Variants in PTPN11 observed in about 807,000 individuals in gnomAD.
PTPN11 encodes the protein protein tyrosine phosphatase non-receptor type 11.
PTPN11 carries 6 observed loss-of-function variants against 78.8 expected under a neutral mutation model. The ratio of observed to expected loss-of-function variants is 0.08; its 90% CI spans 0.04 to 0.15. The LOEUF is 0.15. Ranked by LOEUF, PTPN11 falls within the 10% of genes least tolerant of loss-of-function variation. The probability of loss-of-function intolerance (pLI) is 1.00; values close to 1 mark genes in which losing one functional copy is unlikely to be tolerated. For synonymous variants in PTPN11, 221 were observed against 263.5 expected (o/e 0.84, Z 1.56); for missense variants, 386 against 744.8 (o/e 0.52, Z 5.61).
intron 1 of PTPN11, among the ~76,000 whole-genome samples, chr12:112,432,104 A>G (rs1296652709): frequency 6.6e-6 from 1 of 152,210 alleles, no homozygotes; most frequent in Non-Finnish European, 1.5e-5. Flanking sequence ...AACATGAAAA[A>G]GTGCTCAGTC....
intron 14 of PTPN11, among the ~76,000 whole-genome samples, chr12:112,502,807 T>A (rs2038891751): frequency 6.6e-6 from 1 of 152,092 alleles, no homozygotes; most frequent in Non-Finnish European, 1.5e-5. Context: ...CTAGCTAGGA[T>A]TATATGGGAT....
rs779405724 is a variant in PTPN11, at chr12:112,477,847, A to G, written c.934-10A>G. On this transcript the variant is annotated splice_polypyrimidine_tract_variant and intron_variant, in intron 8 of 15. Transcript: ENST00000351677. ...AAGGTGTTTGAAGGATTTTCTTCCTAAATTTCTAGCCTGAATTTGAAACCA... is the reference window on the plus strand; with the variant it reads ...AAGGTGTTTGAAGGATTTTCTTCCTGAATTTCTAGCCTGAATTTGAAACCA... The G allele has an allele frequency of 6.2e-7, 1 of 1,613,946 alleles. No individual in the cohort carries two copies. The highest frequency in any genetic ancestry group is 1.3e-5 in the African/African-American group (1 of 74,926).
chr12:112,496,196 G>A (rs1017311727), intron 13 of PTPN11, among the ~76,000 whole-genome samples: 3 of 152,088 alleles, frequency 2.0e-5, no homozygotes, highest in African/African-American at 7.2e-5. Flanking sequence ...TGCTCAAATT[G>A]TTACAGCTTT....
rs2135862198 is a variant in PTPN11, at chr12:112,450,375, G to C, written c.195G>C (p.Leu65=). The C allele has an allele frequency of 6.2e-7, 1 of 1,613,288 alleles. No individual in the cohort carries two copies. The highest frequency in any genetic ancestry group is 2.2e-5 in the East Asian group (1 of 44,878). ...KIQNTGDYYD[L]YGGEKFATLA... ...AGAACACTGGTGATTACTATGACCT[G>C]TATGGAGGGGAGAAATTTGCCACTT... is the stretch of plus-strand genomic sequence containing the variant. Residue 65 remains leucine (L), a synonymous_variant, in exon 3 of 16, where the codon CTG becomes CTC. Coordinates refer to ENST00000351677, the MANE Select transcript of PTPN11 (RefSeq NM_002834.5).
intron 13 of PTPN11, among the ~76,000 whole-genome samples, chr12:112,494,185 C>A (rs994920694): frequency 6.6e-6 from 1 of 152,100 alleles, no homozygotes; most frequent in Non-Finnish European, 1.5e-5. Context: ...ACCCGGGAGG[C>A]GGAGGTTGCA....
chr12:112,474,925 C>T (rs952459191), intron 7 of PTPN11, among the ~76,000 whole-genome samples: 1 of 151,996 alleles, frequency 6.6e-6, no homozygotes, highest in Non-Finnish European at 1.5e-5. Flanking sequence ...ACCACTGTGT[C>T]TGGCTATATC....
intron 1 of PTPN11, among the ~76,000 whole-genome samples, chr12:112,443,196 A>G (rs1290727058): frequency 6.6e-6 from 1 of 152,018 alleles, no homozygotes; most frequent in Non-Finnish European, 1.5e-5. Flanking sequence ...TTATAGCAAA[A>G]GACAAAACAA....
chr12:112,473,805 A>G (rs971621164), intron 7 of PTPN11, among the ~76,000 whole-genome samples: 6 of 151,530 alleles, frequency 4.0e-5, no homozygotes. Context: ...GAGATGTGCC[A>G]TTGCACTCCA....
intron 13 of PTPN11, among the ~76,000 whole-genome samples, chr12:112,493,353 C>G (rs529794063): frequency 2.3e-4 from 35 of 151,766 alleles, no homozygotes; most frequent in Non-Finnish European, 4.4e-5. Flanking sequence ...GCCACTGTGC[C>G]CGGCCACTCT....
At chr12:112,486,846 T>G (rs2038685817) in intron 11 of PTPN11, 1 of 1,435,402 alleles carries the variant, frequency 7.0e-7, no homozygotes, top group Admixed American at 2.7e-5. Flanking sequence ...GGCAACATGC[T>G]CAGTTAAAAC....
chr12:112,489,752 CT>C (rs1566187237), intron 13 of PTPN11, among the ~76,000 whole-genome samples: 1 of 152,142 alleles, frequency 6.6e-6, no homozygotes, highest in Non-Finnish European at 1.5e-5. Context: ...GAGAGCTGCT[CT>C]TTTGGGGGCT....
chr12:112,467,842 A>G (rs2038354663), intron 6 of PTPN11, among the ~76,000 whole-genome samples: 1 of 152,056 alleles, frequency 6.6e-6, no homozygotes. Flanking sequence ...TAGAGTGAGA[A>G]CTCACTGTGA....
In PTPN11 at chr12:112,446,411, G is replaced by A. The variant is rs780811696; in HGVS notation, c.137+13G>A. 6.2e-7 allele frequency: 1 copy of A among 1,614,094 alleles called. No homozygotes were observed. The highest frequency in any genetic ancestry group is 2.2e-5 in the East Asian group (1 of 44,870). On this transcript the variant is annotated intron_variant, in intron 2 of 15. Coordinates refer to ENST00000351677, the MANE Select transcript of PTPN11 (RefSeq NM_002834.5). ...CACTTTCCGTTAGGTAAGTTGGAAT[G>A]AAAAGAGAGGATCCTGAGAGTGTTT...
Position 112,480,460 on chromosome 12 carries a change from G to A in PTPN11, c.1093-1614G>A, listed in dbSNP as rs549382353. ...TGGATCACTGCAGGCTCCGCCTCCCGGATTCAAGCGATTTTCCTGCCTCAG... is the reference window on the plus strand; with the variant it reads ...TGGATCACTGCAGGCTCCGCCTCCCAGATTCAAGCGATTTTCCTGCCTCAG... On this transcript the variant is annotated intron_variant, in intron 9 of 15. Coordinates refer to ENST00000351677, the MANE Select transcript of PTPN11 (RefSeq NM_002834.5). Among the ~76,000 whole-genome samples, 10 of 149,752 alleles carry A rather than the reference G, an allele frequency of 6.7e-5. 1 individual carries two copies. The South Asian group carries it at 8.5e-4, about 13-fold the overall frequency.
At chr12:112,456,151 T>C in intron 6 of PTPN11, 88 bp downstream of exon 6, 1 of 862,428 alleles carries the variant, frequency 1.2e-6, no homozygotes, top group Non-Finnish European at 1.9e-6. Context: ...GAATTGGACC[T>C]GAGAGACTTG....
intron 13 of PTPN11, among the ~76,000 whole-genome samples, chr12:112,499,413 C>T (rs1301021665): frequency 1.8e-4 from 28 of 151,978 alleles, no homozygotes; most frequent in Admixed American, 1.8e-3. Flanking sequence ...TGTCTTGGCT[C>T]ACTGCGACCT....
In PTPN11 at chr12:112,484,645, CCTT is replaced by C. The variant is rs531109171; in HGVS notation, c.1225-1827_1225-1825del. On this transcript the variant is annotated intron_variant, in intron 10 of 15. Transcript: ENST00000351677. ...TTTCTGATGTCAGAGAGGGTCCAGT[CCTT>C]CTGATGATGGGGAGGGGTGGAGGCT... 5.9e-5 allele frequency among the ~76,000 whole-genome samples: 9 copies of C among 152,074 alleles called. No homozygotes were observed. The South Asian group carries it at 6.2e-4, about 11-fold the overall frequency.
intron 13 of PTPN11, 48 bp from the exon 14 acceptor site, chr12:112,502,096 C>A (rs748453589): frequency 6.9e-7 from 1 of 1,455,914 alleles, no homozygotes; most frequent in Admixed American, 1.7e-5. Flanking sequence ...CTTTTTATCC[C>A]CTTAAAATAA....
At chr12:112,444,310 T>C (rs777378319) in intron 1 of PTPN11, among the ~76,000 whole-genome samples, 26 of 152,104 alleles carry the variant, frequency 1.7e-4, no homozygotes, top group Admixed American at 5.9e-4. Flanking sequence ...TACCTGGAAG[T>C]GGAATTTCTG....
Sources: allele counts gnomAD v4.1 joint callset (sites outside exome capture counted in the v4.1 genomes callset), GRCh38; gene constraint gnomAD v4.1.1; transcripts MANE v1.5; gene names NCBI Gene and HGNC (gene_info 2026-07-23, HGNC 2026-07-21).